TRAPPC9: variants seen among roughly 807,000 people sequenced by gnomAD.
TRAPPC9 encodes the protein trafficking protein particle complex subunit 9.
A neutral mutation model predicts 124.0 loss-of-function variants in TRAPPC9; 83 were observed. The ratio of observed to expected loss-of-function variants is 0.67; its 90% CI spans 0.56 to 0.80. TRAPPC9 has a LOEUF of 0.80. Ranked by LOEUF, TRAPPC9 falls within the 30% of genes least tolerant of loss-of-function variation. The pLI is 0.00. For missense variants in TRAPPC9, 1,302 were observed against 1,508.3 expected (o/e 0.86, Z 2.27); for synonymous variants, 638 against 617.5 (o/e 1.03, Z -0.49).
chr8:139,990,798 G>GC (rs777982633), intron 18 of TRAPPC9, among the ~76,000 whole-genome samples: 11 of 152,148 alleles, frequency 7.2e-5, no homozygotes, highest in Non-Finnish European at 1.5e-4. Flanking sequence ...TGATGGCCAG[G>GC]CTGGTCTCAA....
At chr8:140,409,790 A>G (rs1312750432) in intron 5 of TRAPPC9, among the ~76,000 whole-genome samples, 1 of 152,170 alleles carries the variant, frequency 6.6e-6, no homozygotes, top group East Asian at 1.9e-4. Context: ...AAAAAATAAG[A>G]AGAAGAAAAG....
At chr8:140,227,180 G>A (rs374214930) in intron 16 of TRAPPC9, among the ~76,000 whole-genome samples, 2 of 152,156 alleles carry the variant, frequency 1.3e-5, no homozygotes, top group African/African-American at 4.8e-5. Context: ...GAGATGAGAT[G>A]GAATAAGATG....
chr8:139,832,241 T>C (rs1826042114), intron 21 of TRAPPC9, among the ~76,000 whole-genome samples: 1 of 152,236 alleles, frequency 6.6e-6, no homozygotes, highest in Admixed American at 6.5e-5. Flanking sequence ...CAAAACGGCC[T>C]CTTTCTTCCT....
chr8:140,199,155 C>G (rs2062730090), intron 17 of TRAPPC9, among the ~76,000 whole-genome samples: 1 of 152,162 alleles, frequency 6.6e-6, no homozygotes, highest in Admixed American at 6.5e-5. Context: ...AGCAGGGCTT[C>G]TTGCACGTGA....
Position 140,313,633 on chromosome 8 carries a change from T to C in TRAPPC9, c.1496-2259A>G, listed in dbSNP as rs571478736. The stretch of plus-strand genomic sequence containing the variant: ...GAAGGCCAGGTTGGGGATGCCTCAA[T>C]ATTCACTTACTCCCCATGAGCGTAG... On this transcript the variant is annotated intron_variant, in intron 9 of 22. Coordinates refer to ENST00000438773, the MANE Select transcript of TRAPPC9 (RefSeq NM_001160372.4). Among the ~76,000 whole-genome samples the C allele has an allele frequency of 2.6e-5, 4 of 152,242 alleles. No individual in the cohort carries two copies. In the East Asian group the frequency reaches 7.7e-4, roughly 29 times the overall value.
chr8:140,262,032 TC>T (rs2064435555), intron 15 of TRAPPC9, among the ~76,000 whole-genome samples: 1 of 152,162 alleles, frequency 6.6e-6, no homozygotes, highest in African/African-American at 2.4e-5. Flanking sequence ...TCTCATTAAA[TC>T]CACACACTGA....
At chr8:140,141,895 A>T (rs1375224435) in intron 17 of TRAPPC9, among the ~76,000 whole-genome samples, 1 of 152,180 alleles carries the variant, frequency 6.6e-6, no homozygotes, top group African/African-American at 2.4e-5. Flanking sequence ...CAGTTTATTC[A>T]CTGTTGAAAC....
chr8:140,170,710 G>A (rs1587850362), intron 17 of TRAPPC9, among the ~76,000 whole-genome samples: 1 of 152,286 alleles, frequency 6.6e-6, no homozygotes. Context: ...AAGCAAGGAC[G>A]ACGTGGTTGT....
intron 20 of TRAPPC9, among the ~76,000 whole-genome samples, chr8:139,897,026 C>T (rs1830707344): frequency 6.6e-6 from 1 of 152,230 alleles, no homozygotes; most frequent in Non-Finnish European, 1.5e-5. Flanking sequence ...AGTCCCCTAA[C>T]CCATGCCCAC....
intron 15 of TRAPPC9, among the ~76,000 whole-genome samples, chr8:140,270,009 A>G (rs2064826972): frequency 6.6e-6 from 1 of 152,114 alleles, no homozygotes; most frequent in Non-Finnish European, 1.5e-5. Flanking sequence ...CTGAGGCAGG[A>G]GAATCTCTTG....
At chr8:140,070,303 ATG>A (rs1843093795) in intron 17 of TRAPPC9, among the ~76,000 whole-genome samples, 1 of 152,222 alleles carries the variant, frequency 6.6e-6, no homozygotes, top group Non-Finnish European at 1.5e-5. Flanking sequence ...CACAGATGAT[ATG>A]TGTTAACATG....
chr8:140,339,146 A>C (rs2067128536), intron 9 of TRAPPC9, among the ~76,000 whole-genome samples: 1 of 152,202 alleles, frequency 6.6e-6, no homozygotes, highest in African/African-American at 2.4e-5. Context: ...GCCAGAGAAA[A>C]GGCCTCAAAA....
intron 21 of TRAPPC9, among the ~76,000 whole-genome samples, chr8:139,872,166 G>A (rs963251445): frequency 5.3e-5 from 8 of 151,666 alleles, no homozygotes; most frequent in Admixed American, 5.3e-4. Flanking sequence ...ATGAGTGGAT[G>A]GATGGATGAG....
Position 140,033,658 on chromosome 8 carries a change from G to GTTTTTT in TRAPPC9, c.2557-9585_2557-9580dup, listed in dbSNP as rs776155126. On this transcript the variant is annotated intron_variant, in intron 17 of 22. Coordinates refer to ENST00000438773, the MANE Select transcript of TRAPPC9 (RefSeq NM_001160372.4). ...TTGAAATGCAACTCTTCATAATGTGGTTTTTTTTTTTTTTTTTTTTTTTTT... is the reference window on the plus strand; with the variant it reads ...TTGAAATGCAACTCTTCATAATGTGGTTTTTTTTTTTTTTTTTTTTTTTTTTTTTTT... 9.5e-3 allele frequency among the ~76,000 whole-genome samples: 402 copies of GTTTTTT among 42,260 alleles called. 38 individuals are homozygous for GTTTTTT. Among genetic ancestry groups the GTTTTTT allele is most frequent in the Middle Eastern group, 0.029 (1 of 34 alleles). 27.7% of individuals were successfully genotyped at this position (42,260 alleles called of 152,430 possible).
intron 17 of TRAPPC9, among the ~76,000 whole-genome samples, chr8:140,195,725 G>C (rs2062639517): frequency 6.6e-6 from 1 of 151,610 alleles, no homozygotes; most frequent in Admixed American, 6.6e-5. Flanking sequence ...GATCACACCT[G>C]TGACACTAAA....
chr8:139,863,228 C>T (rs935160576), intron 21 of TRAPPC9, among the ~76,000 whole-genome samples: 1 of 152,270 alleles, frequency 6.6e-6, no homozygotes, highest in Non-Finnish European at 1.5e-5. Flanking sequence ...GCCTGATGCA[C>T]TAACCCCACA....
intron 21 of TRAPPC9, among the ~76,000 whole-genome samples, chr8:139,846,729 G>A (rs1321713785): frequency 6.6e-6 from 1 of 152,212 alleles, no homozygotes; most frequent in African/African-American, 2.4e-5. Context: ...AGTTGGGCAT[G>A]GAGGAGGCCC....
At chr8:140,227,485 G>A (rs1040142707) in intron 16 of TRAPPC9, among the ~76,000 whole-genome samples, 1 of 152,196 alleles carries the variant, frequency 6.6e-6, no homozygotes, top group African/African-American at 2.4e-5. Context: ...GAATAAAACT[G>A]AGCTTTCAGA....
intron 20 of TRAPPC9, among the ~76,000 whole-genome samples, chr8:139,888,592 C>T (rs1830153241): frequency 6.6e-6 from 1 of 152,186 alleles, no homozygotes; most frequent in African/African-American, 2.4e-5. Flanking sequence ...ATTTCTGTTG[C>T]CTCGAACTCC....
Sources: allele counts gnomAD v4.1 joint callset (sites outside exome capture counted in the v4.1 genomes callset), GRCh38; gene constraint gnomAD v4.1.1; transcripts MANE v1.5; gene names NCBI Gene and HGNC (gene_info 2026-07-23, HGNC 2026-07-21).